The following LIMK2 variants were observed in gnomAD, a reference collection of about 807,000 sequenced individuals.
The protein encoded by LIMK2 is LIM domain kinase 2.
LIMK2 carries 35 observed loss-of-function variants against 75.7 expected under a neutral mutation model. The ratio of observed to expected loss-of-function variants is 0.46; its 90% CI spans 0.35 to 0.61. LIMK2 has a LOEUF of 0.61. Ranked by LOEUF, LIMK2 falls within the 20% of genes least tolerant of loss-of-function variation. The probability of loss-of-function intolerance (pLI) is 0.00; values close to 1 mark genes in which losing one functional copy is unlikely to be tolerated. For missense variants in LIMK2, 623 were observed against 831.0 expected, an observed-to-expected ratio of 0.75 and a Z score of 3.08; for synonymous variants, 301 against 319.2, an observed-to-expected ratio of 0.94 and a Z score of 0.61.
rs577108316 is a variant in LIMK2, at chr22:31,277,595, A to G, written c.1773-702A>G. ...TATTTGTTTTCTAATACCTCTTGTC[A>G]TTCTAAATATCTTTAATTTATTAAA... On this transcript the variant is annotated intron_variant, in intron 15 of 15. Transcript: ENST00000331728. 1.9e-4 allele frequency: 175 copies of G among 945,464 alleles called. 2 individuals are homozygous for G. In the African/African-American group the frequency reaches 2.9e-3, roughly 16 times the overall value. The allele number at this position is 945,464 out of a possible 1,614,324, so 58.6% of individuals were successfully genotyped here. A position where few individuals can be genotyped will look rare whatever the true frequency, so the allele number is the denominator to read the frequency against.
intron 2 of LIMK2, among the ~76,000 whole-genome samples, chr22:31,241,003 A>G (rs2048619854): frequency 1.3e-5 from 2 of 152,248 alleles, no homozygotes; most frequent in African/African-American, 4.8e-5. Context: ...TTGTGAGAAT[A>G]AAATGAAATC....
Position 31,266,066 on chromosome 22 carries a change from C to T in LIMK2, c.975C>T (p.Ile325=), listed in dbSNP as rs115056007. 1.2e-6 allele frequency: 2 copies of T among 1,614,118 alleles called. No individual in the cohort carries two copies. Among genetic ancestry groups the T allele is most frequent in the African/African-American group, 2.7e-5 (2 of 74,940 alleles). The part of the protein sequence containing the change: ...LRCSSSYSQQ[I]FRPCDLIHGE... ...GTTCCAGCAGCTATTCACAGCAGAT[C>T]TTCCGGCCCTGTGACCTAATCCATG... Residue 325 remains isoleucine, a synonymous_variant, in exon 8 of 16, where the codon ATC becomes ATT. Transcript: ENST00000331728.
Position 31,212,317 on chromosome 22 carries a change from G to A in LIMK2, c.-92G>A. 1 of 1,257,918 alleles carries A rather than the reference G, an allele frequency of 7.9e-7. No homozygotes were observed. The highest frequency in any genetic ancestry group is 1.0e-6 in the Non-Finnish European group (1 of 981,828). The allele number at this position is 1,257,918 out of a possible 1,614,324, so 77.9% of individuals were successfully genotyped here. A position where few individuals can be genotyped will look rare whatever the true frequency, so the allele number is the denominator to read the frequency against. ...GCTGTGGTCTTCCCGCGCCTGAGGC[G>A]GCGGCGGCAGGAGCTGAGGGGAGTT... On this transcript the variant is annotated 5_prime_UTR_variant, in exon 1 of 16. Transcript: ENST00000331728.
intron 2 of LIMK2, among the ~76,000 whole-genome samples, chr22:31,241,380 T>C (rs2048622538): frequency 1.3e-5 from 2 of 152,226 alleles, no homozygotes; most frequent in Non-Finnish European, 2.9e-5. Flanking sequence ...CTTAGTTCCC[T>C]CAGGAACGGC....
rs1248213257 is a variant in LIMK2, at chr22:31,271,129, G to T, written c.1318-7G>T. On this transcript the variant is annotated splice_region_variant and splice_polypyrimidine_tract_variant and intron_variant, in intron 11 of 15. Transcript: ENST00000331728. ...CCCTGTAGCCTCAGCTCATGCTTCT[G>T]TTCCAGGCCTATTTGCACTCTATGT... 6.2e-7 allele frequency: 1 copy of T among 1,613,490 alleles called. No individual in the cohort carries two copies. The highest frequency in any genetic ancestry group is 1.3e-5 in the African/African-American group (1 of 74,904).
intron 2 of LIMK2, among the ~76,000 whole-genome samples, chr22:31,226,162 A>C (rs778289468): frequency 6.7e-6 from 1 of 149,410 alleles, no homozygotes; most frequent in East Asian, 2.0e-4. Context: ...CAGGTACTTC[A>C]AGAGTTGTTT....
chr22:31,261,858 A>G (rs1441702695), intron 5 of LIMK2, among the ~76,000 whole-genome samples: 3 of 152,250 alleles, frequency 2.0e-5, no homozygotes, highest in Non-Finnish European at 4.4e-5. Flanking sequence ...TGATGGAAAG[A>G]AGGCAGAGTT....
rs550614366 is a variant in LIMK2 at position 31,278,783 on chromosome 22, T to C, written c.*342T>C. The C allele has an allele frequency of 1.5e-4, 28 of 182,666 alleles. No individual in the cohort carries two copies. Among genetic ancestry groups the C allele is most frequent in the African/African-American group, 6.6e-4 (28 of 42,670 alleles). The allele number at this position is 182,666 out of a possible 1,614,324, so 11.3% of individuals were successfully genotyped here. On this transcript the variant is annotated 3_prime_UTR_variant, in exon 16 of 16. Transcript: ENST00000331728. ...GATTGTGGGAGGCTCTTGCTTACAC[T>C]AATCAGCGTGACCTGGACCTGCTGG...
chr22:31,257,134 C>G (rs2048792386), intron 2 of LIMK2, among the ~76,000 whole-genome samples: 1 of 144,288 alleles, frequency 6.9e-6, no homozygotes, highest in South Asian at 2.3e-4. Context: ...TCAAGTGATC[C>G]TCCCACCTCA....
At chr22:31,241,833 C>G (rs565517614) in intron 2 of LIMK2, among the ~76,000 whole-genome samples, 7 of 152,272 alleles carry the variant, frequency 4.6e-5, no homozygotes, top group East Asian at 1.9e-4. Context: ...TTGTACTCAT[C>G]ATCTAGTTTA....
intron 2 of LIMK2, among the ~76,000 whole-genome samples, chr22:31,228,312 G>A (rs1378739871): frequency 6.6e-6 from 1 of 152,094 alleles, no homozygotes; most frequent in African/African-American, 2.4e-5. Flanking sequence ...CCAGCTACTT[G>A]GGAAGCTGAA....
intron 1 of LIMK2, among the ~76,000 whole-genome samples, chr22:31,220,716 A>C (rs1453601356): frequency 6.6e-6 from 1 of 152,220 alleles, no homozygotes; most frequent in Non-Finnish European, 1.5e-5. Context: ...TAATCCCAGC[A>C]CTTTGGGAGG....
chr22:31,261,986 A>G, intron 5 of LIMK2, 148 bp from the exon 6 acceptor site: 1 of 658,062 alleles, frequency 1.5e-6, no homozygotes, highest in Admixed American at 2.5e-5. Flanking sequence ...GGCATCCTGG[A>G]AAAGGTGTTG....
intron 3 of LIMK2, chr22:31,258,876 G>T: frequency 4.3e-6 from 2 of 466,130 alleles, no homozygotes; most frequent in Non-Finnish European, 3.9e-6. Flanking sequence ...CTTTTTTAGT[G>T]GGGATGATTA....
chr22:31,246,183 GCACACA>G (rs57524309), intron 2 of LIMK2, among the ~76,000 whole-genome samples: 6,989 of 135,040 alleles, frequency 0.052, 568 homozygotes, highest in East Asian at 0.38. Flanking sequence ...ACGCACGCAC[GCACACA>G]CACACACACA....
intron 1 of LIMK2, among the ~76,000 whole-genome samples, chr22:31,223,248 G>C (rs977833316): frequency 6.6e-6 from 1 of 152,182 alleles, no homozygotes; most frequent in African/African-American, 2.4e-5. Context: ...AGGTACTAAA[G>C]TATGTGTTGA....
intron 5 of LIMK2, among the ~76,000 whole-genome samples, chr22:31,260,998 C>T (rs982144054): frequency 2.0e-5 from 3 of 152,028 alleles, no homozygotes; most frequent in Non-Finnish European, 4.4e-5. Flanking sequence ...GAGGGGAAAG[C>T]CTAAAGGTAT....
chr22:31,218,517 T>C (rs988832735), intron 1 of LIMK2, among the ~76,000 whole-genome samples: 1 of 152,224 alleles, frequency 6.6e-6, no homozygotes, highest in African/African-American at 2.4e-5. Context: ...GAAAGCTCTT[T>C]TAAAAATCAT....
At position 31,278,353 on chromosome 22, in the gene LIMK2, A is replaced by T; in HGVS notation, c.1829A>T (p.Glu610Val). 2 of 1,613,696 alleles carry T rather than the reference A, an allele frequency of 1.2e-6. No individual in the cohort carries two copies. The highest frequency in any genetic ancestry group is 1.7e-4 in the Middle Eastern group (1 of 6,058). Residue 610 changes from glutamate to valine, a missense_variant, in exon 16 of 16, where the codon GAG becomes GTG. Around this residue, in one of 3 missense-constraint regions of LIMK2, gnomAD observed 46 missense variants for 46.9 expected, o/e 0.98. Transcript: ENST00000331728. ...SFEALSLYLG[E>V]LGIPLPAELE... is the part of the protein sequence containing the mutation. The stretch of plus-strand genomic sequence containing the variant: ...GAGGCCCTCTCCCTGTACCTGGGGG[A>T]GCTGGGCATCCCGCTGCCTGCAGAG...
Sources: gnomAD v4.1 joint callset for allele counts (sites outside exome capture counted in the v4.1 genomes callset) on GRCh38, gnomAD v4.1.1 for gene constraint, gnomAD v4.1.1 regional missense constraint, MANE v1.5 for transcripts, NCBI Gene and HGNC (gene_info 2026-07-23, HGNC 2026-07-21) for gene names.